GRAMD1A: variants seen among roughly 807,000 people sequenced by gnomAD.
GRAMD1A encodes the protein GRAM domain containing 1A, also known as protein Aster-A.
GRAMD1A carries 50 observed loss-of-function variants against 92.0 expected under a neutral mutation model. The ratio of observed to expected loss-of-function variants is 0.54; its 90% CI spans 0.43 to 0.69. The LOEUF is 0.69. Ranked by LOEUF, GRAMD1A falls within the 30% of genes least tolerant of loss-of-function variation. The probability of loss-of-function intolerance (pLI) is 0.00; values close to 1 mark genes in which losing one functional copy is unlikely to be tolerated. For missense variants in GRAMD1A, 819 were observed against 978.9 expected (o/e 0.84, Z 2.18); for synonymous variants, 405 against 403.6 (o/e 1.00, Z -0.04).
At chr19:35,011,437 A>T in intron 6 of GRAMD1A, 37 bp from the exon 7 acceptor site, 1 of 1,530,258 alleles carries the variant, frequency 6.5e-7, no homozygotes, top group South Asian at 1.1e-5. Flanking sequence ...TCGCTCCCCA[A>T]CCTGCTCACA....
At chr19:35,008,196 G>T (rs2014962759) in intron 1 of GRAMD1A, among the ~76,000 whole-genome samples, 1 of 152,076 alleles carries the variant, frequency 6.6e-6, no homozygotes, top group Admixed American at 6.6e-5. Flanking sequence ...AGGCATGGTA[G>T]TGTGATCCTG....
intron 7 of GRAMD1A, among the ~76,000 whole-genome samples, chr19:35,012,020 C>G (rs2015278641): frequency 1.3e-5 from 2 of 152,182 alleles, no homozygotes; most frequent in Non-Finnish European, 2.9e-5. Context: ...AGCGCACAGT[C>G]AGGCCCTAAG....
Position 35,009,719 on chromosome 19 carries a change from G to C in GRAMD1A, c.241-169G>C, listed in dbSNP as rs182206619. ...CTGGTGGGTGCTTGGTACGGGGCCC[G>C]GCTTACATAAGAAATCTGTAAATGG... is the stretch of plus-strand genomic sequence containing the variant. On this transcript the variant is annotated intron_variant, in intron 3 of 19. Transcript: ENST00000317991. The C allele has an allele frequency of 4.6e-6, 3 of 647,578 alleles. No homozygotes were observed. The South Asian group carries it at 5.3e-5, about 11-fold the overall frequency. 40.1% of individuals were successfully genotyped at this position (647,578 alleles called of 1,614,324 possible). A position where few individuals can be genotyped will look rare whatever the true frequency, so the allele number is the denominator to read the frequency against.
At position 35,021,904 on chromosome 19, in the gene GRAMD1A, C is replaced by G. The variant is rs764062173; in HGVS notation, c.1753+40C>G. ...GGCCGGGTTGGGGTAGGCGGAGGAT[C>G]GGGGGTCCTGGACTGGGCCATCTGA... On this transcript the variant is annotated intron_variant, in intron 15 of 19. Coordinates refer to ENST00000317991, the MANE Select transcript of GRAMD1A (RefSeq NM_020895.5). This position sits in a 1 kb window ranked among gnomAD's most constrained non-coding sequence, Gnocchi z 5.3. The G allele has an allele frequency of 6.2e-7, 1 of 1,609,014 alleles. No individual in the cohort carries two copies.
upstream of GRAMD1A, among the ~76,000 whole-genome samples, chr19:34,996,643 C>G (rs575245027): frequency 6.6e-6 from 1 of 152,104 alleles, no homozygotes; most frequent in Non-Finnish European, 1.5e-5. Context: ...CCCATCTTGA[C>G]TAAAAACACA....
Position 35,013,634 on chromosome 19 carries a change from G to T in GRAMD1A, c.813G>T (p.Ser271=), listed in dbSNP as rs766863713. The T allele has an allele frequency of 9.3e-6, 15 of 1,613,628 alleles. No individual in the cohort carries two copies. The highest frequency in any genetic ancestry group is 1.3e-5 in the Non-Finnish European group (15 of 1,179,906). The part of the protein sequence containing the change: ...DRSQEPSPVG[S]RRGHVTPNLS... Reference sequence around the variant, plus strand: ...GCCAGGAGCCAAGCCCAGTGGGTTCGCGCCGTGGCCATGTCACGCCCAACC... The same window carrying T: ...GCCAGGAGCCAAGCCCAGTGGGTTCTCGCCGTGGCCATGTCACGCCCAACC... Residue 271 remains serine (S), a synonymous_variant, in exon 9 of 20, where the codon TCG becomes TCT. Coordinates refer to ENST00000317991, the MANE Select transcript of GRAMD1A (RefSeq NM_020895.5). This position sits in a 1 kb window ranked among gnomAD's most constrained non-coding sequence, Gnocchi z 4.9.
chr19:35,021,428 A>G lies in GRAMD1A; in HGVS notation c.1476-74A>G, dbSNP rs1600334627. 4 of 1,116,000 alleles carry G rather than the reference A, an allele frequency of 3.6e-6. No homozygotes were observed. Among genetic ancestry groups the G allele is most frequent in the African/African-American group, 1.5e-5 (1 of 64,922 alleles). 69.1% of individuals were successfully genotyped at this position (1,116,000 alleles called of 1,614,324 possible). A position where few individuals can be genotyped will look rare whatever the true frequency, so the allele number is the denominator to read the frequency against. On this transcript the variant is annotated intron_variant, in intron 13 of 19. Transcript: ENST00000317991. The surrounding 1 kb of genome is among the most constrained non-coding windows in gnomAD (Gnocchi z 5.3). The stretch of plus-strand genomic sequence containing the variant: ...CTCTCTGAATTAGGGGAAGGAAAAA[A>G]CTCAGCTTGTGGGACGGGGCAGCCA...
rs560717922 is a variant in GRAMD1A, at chr19:35,009,169, G to A, written c.59G>A (p.Arg20Gln). The A allele has an allele frequency of 1.7e-5, 27 of 1,613,916 alleles. No homozygotes were observed. The highest frequency in any genetic ancestry group is 3.3e-4 in the Middle Eastern group (2 of 6,084). Reference protein sequence around the residue: ...RSTPSSSPSLRKRLQLLPPSR... With the variant: ...RSTPSSSPSLQKRLQLLPPSR... ...ACGCCAAGCAGCTCCCCATCGCTCC[G>A]GAAACGGCTGCAGCTCCTGCCCCCA... Residue 20 changes from arginine (R) to glutamine (Q), a missense_variant, in exon 2 of 20, where the codon CGG (arginine) becomes CAG (glutamine). By Grantham distance (43) the Arg-to-Gln change is conservative (BLOSUM62 1). Coordinates refer to ENST00000317991, the MANE Select transcript of GRAMD1A (RefSeq NM_020895.5).
chr19:35,023,158 C>A, intron 17 of GRAMD1A, 78 bp from the exon 18 acceptor site: 1 of 1,007,840 alleles, frequency 9.9e-7, no homozygotes, highest in Non-Finnish European at 1.6e-6. Context: ...ATAGAGGTGT[C>A]CCTACAAGAT....
Position 35,000,453 on chromosome 19 carries a change from CG to C in GRAMD1A, c.-22del. 2 of 903,702 alleles carry C rather than the reference CG, an allele frequency of 2.2e-6. No individual in the cohort carries two copies. The highest frequency in any genetic ancestry group is 3.7e-5 in the South Asian group (1 of 27,180). 56.0% of individuals were successfully genotyped at this position (903,702 alleles called of 1,614,324 possible). On this transcript the variant is annotated 5_prime_UTR_variant, in exon 1 of 20. Coordinates refer to ENST00000317991, the MANE Select transcript of GRAMD1A (RefSeq NM_020895.5). The surrounding 1 kb of genome is among the most constrained non-coding windows in gnomAD (Gnocchi z 4.9). ...GCCCTGCCCTGCCCTGCCCTGCGCCCGGGGCGCGCCCACCGCGCCGCATCCA... is the reference window on the plus strand; with the variant it reads ...GCCCTGCCCTGCCCTGCCCTGCGCCCGGGCGCGCCCACCGCGCCGCATCCA...
chr19:35,010,250 A>G (rs1330853276), intron 5 of GRAMD1A, 34 bp from the exon 6 acceptor site: 1 of 1,584,810 alleles, frequency 6.3e-7, no homozygotes, highest in Admixed American at 1.7e-5. Flanking sequence ...GCCAGGCCCC[A>G]CCCCGCTCCT....
At chr19:34,996,304 C>A, upstream of GRAMD1A, 1 of 1,495,922 alleles carries the variant, frequency 6.7e-7, no homozygotes, top group Admixed American at 2.1e-5. Context: ...CAGACCTGGG[C>A]AGTGGGACAG....
At chr19:35,002,253 A>G (rs894791660) in intron 1 of GRAMD1A, among the ~76,000 whole-genome samples, 1 of 152,042 alleles carries the variant, frequency 6.6e-6, no homozygotes, top group Non-Finnish European at 1.5e-5. Flanking sequence ...TGTGCCACGC[A>G]TTATTCCACT....
Position 35,021,296 on chromosome 19 carries a change from G to T in GRAMD1A, c.1476-206G>T, listed in dbSNP as rs1291177888. ...GTGGGCATGGGTGGAGAAGGACCGA[G>T]GGCTGAGTTGGCTGGCATTTGGGCT... On this transcript the variant is annotated intron_variant, in intron 13 of 19. Transcript: ENST00000317991. The surrounding 1 kb of genome is among the most constrained non-coding windows in gnomAD (Gnocchi z 5.3). Among the ~76,000 whole-genome samples, 1 of 152,214 alleles carries T rather than the reference G, an allele frequency of 6.6e-6. No homozygotes were observed. Among genetic ancestry groups the T allele is most frequent in the Non-Finnish European group, 1.5e-5 (1 of 68,038 alleles).
chr19:34,995,406 G>A (rs907956611), upstream of GRAMD1A, among the ~76,000 whole-genome samples: 43 of 151,864 alleles, frequency 2.8e-4, no homozygotes, highest in African/African-American at 8.0e-4. Context: ...TGGGGCCCTG[G>A]CCTAGCCCCA....
intron 16 of GRAMD1A, 66 bp from the exon 17 acceptor site, chr19:35,022,834 T>G: frequency 6.5e-7 from 1 of 1,548,672 alleles, no homozygotes; most frequent in Non-Finnish European, 8.8e-7. Flanking sequence ...TGAGGAGGGC[T>G]GGGGGTGTCG....
rs1392469555 is a variant in GRAMD1A at position 35,000,528 on chromosome 19, G to T, written c.8+42G>T. 11 of 1,253,996 alleles carry T rather than the reference G, an allele frequency of 8.8e-6. No homozygotes were observed. Among genetic ancestry groups the T allele is most frequent in the Non-Finnish European group, 1.1e-5 (11 of 993,056 alleles). 77.7% of individuals were successfully genotyped at this position (1,253,996 alleles called of 1,614,324 possible). A position where few individuals can be genotyped will look rare whatever the true frequency, so the allele number is the denominator to read the frequency against. ...TAGAGCTCAGGGACCGGGCGCGCGG[G>T]GGAGGCCACCGGAGGGAGGGGGCGC... On this transcript the variant is annotated intron_variant, in intron 1 of 19. Coordinates refer to ENST00000317991, the MANE Select transcript of GRAMD1A (RefSeq NM_020895.5). The surrounding 1 kb of genome is among the most constrained non-coding windows in gnomAD (Gnocchi z 4.9).
chr19:35,005,441 C>T (rs749762754), intron 1 of GRAMD1A, among the ~76,000 whole-genome samples: 57 of 151,922 alleles, frequency 3.8e-4, no homozygotes, highest in South Asian at 2.1e-4. Flanking sequence ...GCAGAGGCAC[C>T]GACCAAGGCG....
intron 11 of GRAMD1A, among the ~76,000 whole-genome samples, chr19:35,017,972 A>G (rs1418333534): frequency 6.7e-6 from 1 of 149,968 alleles, no homozygotes; most frequent in Non-Finnish European, 1.5e-5. Flanking sequence ...ATTTGTGATC[A>G]TTAACACATA....
Sources: gnomAD v4.1 joint callset for allele counts (sites outside exome capture counted in the v4.1 genomes callset) on GRCh38, gnomAD v4.1.1 for gene constraint, Gnocchi (gnomAD v3.1) non-coding constraint, MANE v1.5 for transcripts, NCBI Gene and HGNC (gene_info 2026-07-23, HGNC 2026-07-21) for gene names.